ZNF423: variants seen among roughly 807,000 people sequenced by gnomAD.
ZNF423 encodes Ebf-associated zinc finger protein.
Under a neutral mutation model 95.8 loss-of-function variants are expected in ZNF423, and 12 were observed. That is an observed-to-expected ratio of 0.13 (90% CI 0.08 to 0.20). The LOEUF (loss-of-function observed/expected upper bound fraction) is 0.20, where lower values mean the gene tolerates loss of function less well. Ranked by LOEUF, ZNF423 falls within the 10% of genes least tolerant of loss-of-function variation. The pLI is 1.00. For synonymous variants in ZNF423, 749 were observed against 711.9 expected (o/e 1.05, Z -0.83); for missense variants, 1,316 against 1,737.1 (o/e 0.76, Z 4.31).
intron 3 of ZNF423, among the ~76,000 whole-genome samples, chr16:49,685,882 C>T (rs577394335): frequency 6.6e-5 from 10 of 152,344 alleles, no homozygotes; most frequent in Admixed American, 3.9e-4. Context: ...TGGCTCACCA[C>T]GCTCCCCCAT....
At chr16:49,807,755 C>T (rs1177967121) in intron 1 of ZNF423, among the ~76,000 whole-genome samples, 1 of 152,172 alleles carries the variant, frequency 6.6e-6, no homozygotes, top group Non-Finnish European at 1.5e-5. Context: ...ACCTGCCTGC[C>T]ATCCCAAGAC....
At chr16:49,747,045 T>C (rs1024730767) in intron 2 of ZNF423, among the ~76,000 whole-genome samples, 5 of 151,786 alleles carry the variant, frequency 3.3e-5, no homozygotes, top group African/African-American at 1.2e-4. Context: ...CAGACAGAGA[T>C]CGGGGGAAAG....
At chr16:49,629,889 A>C (rs887150061) in intron 4 of ZNF423, among the ~76,000 whole-genome samples, 1 of 152,236 alleles carries the variant, frequency 6.6e-6, no homozygotes, top group Non-Finnish European at 1.5e-5. Flanking sequence ...ATAATTATTT[A>C]ACTTTTATTA....
chr16:49,664,264 G>A, intron 3 of ZNF423: 2 of 985,588 alleles, frequency 2.0e-6, no homozygotes, highest in Non-Finnish European at 2.4e-6. Flanking sequence ...CGGCCGCCTG[G>A]GCCGGCGGAG....
intron 5 of ZNF423, among the ~76,000 whole-genome samples, chr16:49,589,810 C>G (rs1158879151): frequency 6.6e-6 from 1 of 152,016 alleles, no homozygotes; most frequent in Non-Finnish European, 1.5e-5. Context: ...TTGGCTCCCA[C>G]ACAGCTGAGT....
chr16:49,494,340 A>G (rs1967077461), intron 7 of ZNF423, among the ~76,000 whole-genome samples: 1 of 152,250 alleles, frequency 6.6e-6, no homozygotes, highest in African/African-American at 2.4e-5. Flanking sequence ...ACAAAAGCCC[A>G]GGATGTCACA....
intron 4 of ZNF423, among the ~76,000 whole-genome samples, chr16:49,629,508 T>C (rs1314757955): frequency 1.3e-5 from 2 of 152,188 alleles, no homozygotes; most frequent in African/African-American, 4.8e-5. Context: ...CCCTCCATCC[T>C]TGACTCAATT....
intron 3 of ZNF423, among the ~76,000 whole-genome samples, chr16:49,675,346 C>T (rs771350206): frequency 1.3e-5 from 2 of 152,142 alleles, no homozygotes; most frequent in Non-Finnish European, 2.9e-5. Context: ...ACGTACCCAC[C>T]CAGGTGCTGG....
chr16:49,642,758 G>T (rs1023478431), intron 3 of ZNF423, among the ~76,000 whole-genome samples: 1 of 151,436 alleles, frequency 6.6e-6, no homozygotes, highest in Non-Finnish European at 1.5e-5. Flanking sequence ...CAAAGCTCGG[G>T]ATGTATCTAC....
At chr16:49,624,750 C>T (rs937494440) in intron 5 of ZNF423, among the ~76,000 whole-genome samples, 88 of 152,226 alleles carry the variant, frequency 5.8e-4, no homozygotes, top group African/African-American at 1.9e-3. Context: ...CAGGTGCAAA[C>T]GAGTAGAAAC....
chr16:49,857,057 TCTC>T (rs2035379535), upstream of ZNF423, among the ~76,000 whole-genome samples: 2 of 150,206 alleles, frequency 1.3e-5, no homozygotes, highest in South Asian at 4.2e-4. The surrounding 1 kb of genome is among the most constrained non-coding windows in gnomAD (Gnocchi z 6.2). Flanking sequence ...GGTCGCTGGC[TCTC>T]CTCCTCCCGA....
Position 49,637,960 on chromosome 16 carries a change from G to A in ZNF423, c.1216C>T (p.Arg406Trp), listed in dbSNP as rs368847069. The change falls in exon 4 of 8, where the codon CGG (arginine) becomes TGG (tryptophan). Residue 406 changes from arginine to tryptophan, a missense_variant. Coordinates refer to ENST00000563137, the MANE Select transcript of ZNF423 (RefSeq NM_001379286.1). This position sits in a 1 kb window ranked among gnomAD's most constrained non-coding sequence, Gnocchi z 5.6. ...TTGGTCCAGCCCTGCCCGTCATCCC[G>A]CATCTTCTTCTGCCCCCGCAGCGGC... Reference protein sequence around the residue: ...LKPLRGQKKMRDDGQGWTKVV... With the variant: ...LKPLRGQKKMWDDGQGWTKVV... The A allele has an allele frequency of 6.1e-5, 99 of 1,614,104 alleles. No homozygotes were observed. The highest frequency in any genetic ancestry group is 2.8e-4 in the Admixed American group (17 of 60,026).
intron 3 of ZNF423, among the ~76,000 whole-genome samples, chr16:49,676,580 C>G (rs2031058385): frequency 6.6e-6 from 1 of 152,160 alleles, no homozygotes; most frequent in Non-Finnish European, 1.5e-5. Flanking sequence ...TCCACCGAGA[C>G]CACCTTGCAG....
chr16:49,843,216 T>C (rs1025813690), intron 1 of ZNF423, among the ~76,000 whole-genome samples: 30 of 152,204 alleles, frequency 2.0e-4, no homozygotes, highest in African/African-American at 7.2e-4. Flanking sequence ...TAAATGAGGA[T>C]ACTCCCTGCA....
intron 5 of ZNF423, among the ~76,000 whole-genome samples, chr16:49,623,083 C>T (rs530812579): frequency 6.6e-6 from 1 of 152,116 alleles, no homozygotes; most frequent in Non-Finnish European, 1.5e-5. Context: ...GCGAGAGGGA[C>T]TGCCCAGCCA....
At chr16:49,501,421 G>C (rs1967395790) in intron 7 of ZNF423, among the ~76,000 whole-genome samples, 1 of 152,198 alleles carries the variant, frequency 6.6e-6, no homozygotes, top group Non-Finnish European at 1.5e-5. Flanking sequence ...CTTATACACT[G>C]TTGGTGGGAA....
At chr16:49,518,652 G>A in intron 7 of ZNF423, 1 of 391,950 alleles carries the variant, frequency 2.6e-6, no homozygotes, top group Non-Finnish European at 4.9e-6. Context: ...GACAACTACT[G>A]GTCTGTTTTC....
intron 2 of ZNF423, among the ~76,000 whole-genome samples, chr16:49,772,332 G>A (rs1388168418): frequency 1.3e-5 from 2 of 152,228 alleles, no homozygotes; most frequent in Non-Finnish European, 2.9e-5. Context: ...ACCGGTGAGA[G>A]CCGTCTGCTT....
At chr16:49,731,513 A>C in intron 2 of ZNF423, 39 of 318,054 alleles carry the variant, frequency 1.2e-4, no homozygotes, top group Middle Eastern at 1.5e-3. Context: ...GTCGAATCTC[A>C]AGCTTAAAAT....
Sources: allele counts gnomAD v4.1 joint callset (sites outside exome capture counted in the v4.1 genomes callset), GRCh38; gene constraint gnomAD v4.1.1; non-coding constraint Gnocchi (gnomAD v3.1); transcripts MANE v1.5; gene names NCBI Gene and HGNC (gene_info 2026-07-23, HGNC 2026-07-21).